Variants in DAO observed in about 807,000 individuals in gnomAD.
DAO encodes the protein D-amino acid oxidase.
A neutral mutation model predicts 50.1 loss-of-function variants in DAO; 51 were observed. That is an observed-to-expected ratio of 1.02 (90% CI 0.81 to 1.29). The LOEUF is 1.29. DAO is among the 50% of genes most tolerant of loss of function. DAO has a pLI of 0.00. For missense variants in DAO, 436 were observed against 439.4 expected (o/e 0.99, Z 0.07); for synonymous variants, 160 against 166.2 (o/e 0.96, Z 0.29).
At chr12:108,890,160 GCT>G in intron 4 of DAO, 46 bp from the exon 5 acceptor site, 1 of 1,493,788 alleles carries the variant, frequency 6.7e-7, no homozygotes, top group Non-Finnish European at 9.3e-7. Context: ...TTCAAATATA[GCT>G]CTGATTTTTA....
rs769902978 is a variant in DAO at position 108,900,664 on chromosome 12, A to G, written c.*129A>G. 5 of 1,383,810 alleles carry G rather than the reference A, an allele frequency of 3.6e-6. No individual in the cohort carries two copies. Among genetic ancestry groups the G allele is most frequent in the Admixed American group, 3.7e-5 (2 of 54,290 alleles). The allele number at this position is 1,383,810 out of a possible 1,614,324, so 85.7% of individuals were successfully genotyped here. On this transcript the variant is annotated 3_prime_UTR_variant, in exon 11 of 11. Coordinates refer to ENST00000228476, the MANE Select transcript of DAO (RefSeq NM_001917.5). Reference sequence around the variant, plus strand: ...CCTCAAAGAAGCATGAGGTGAGAGAAAGCCACAAAGTCAGTGCCTGGAGAA... The same window carrying G: ...CCTCAAAGAAGCATGAGGTGAGAGAGAGCCACAAAGTCAGTGCCTGGAGAA...
chr12:108,898,498 GACA>G (rs1438961895), intron 8 of DAO, 178 bp from the exon 9 acceptor site: 1 of 677,672 alleles, frequency 1.5e-6, no homozygotes, highest in Non-Finnish European at 2.7e-6. Flanking sequence ...TGATGGAGAT[GACA>G]ACATTGATGG....
chr12:108,893,758 G>A (rs976218086), intron 6 of DAO, among the ~76,000 whole-genome samples: 7 of 152,150 alleles, frequency 4.6e-5, no homozygotes, highest in Admixed American at 6.5e-5. Flanking sequence ...AGGGGCTCAC[G>A]ATGCGTGCTT....
At position 108,894,317 on chromosome 12, in the gene DAO, G is replaced by A. The variant is rs778140294; in HGVS notation, c.562G>A (p.Ala188Thr). The stretch of plus-strand genomic sequence containing the variant: ...CAACTGCACTGGGGTATGGGCTGGG[G>A]CGCTACAACGAGACCCCCTGCTGCA... ...IVNCTGVWAG[A>T]LQRDPLLQPG... Residue 188 changes from alanine (A) to threonine (T), a missense_variant, in exon 7 of 11, where the codon GCG becomes ACG. By Grantham distance (58) the Ala-to-Thr change is moderately conservative. Coordinates refer to ENST00000228476, the MANE Select transcript of DAO (RefSeq NM_001917.5). 1.2e-5 allele frequency: 19 copies of A among 1,613,926 alleles called. No homozygotes were observed. The highest frequency in any genetic ancestry group is 6.8e-6 in the Non-Finnish European group (8 of 1,180,002).
intron 1 of DAO, among the ~76,000 whole-genome samples, chr12:108,884,659 C>A (rs562758037): frequency 5.3e-5 from 8 of 152,074 alleles, no homozygotes; most frequent in African/African-American, 9.7e-5. Flanking sequence ...CACTAACCAC[C>A]GGCCTACCCA....
At position 108,900,655 on chromosome 12, in the gene DAO, G is replaced by A. The variant is rs2039613091; in HGVS notation, c.*120G>A. 1 of 1,464,090 alleles carries A rather than the reference G, an allele frequency of 6.8e-7. No homozygotes were observed. The allele number at this position is 1,464,090 out of a possible 1,614,324, so 90.7% of individuals were successfully genotyped here. A position where few individuals can be genotyped will look rare whatever the true frequency, so the allele number is the denominator to read the frequency against. On this transcript the variant is annotated 3_prime_UTR_variant, in exon 11 of 11. Transcript: ENST00000228476. ...CACTTCTTTCCTCAAAGAAGCATGA[G>A]GTGAGAGAAAGCCACAAAGTCAGTG...
chr12:108,886,124 G>A (rs1017191380), intron 2 of DAO, among the ~76,000 whole-genome samples: 3 of 151,974 alleles, frequency 2.0e-5, no homozygotes, highest in Admixed American at 1.3e-4. Context: ...CTGGGCTCAA[G>A]TGATCTGCCC....
Position 108,884,987 on chromosome 12 carries a change from C to T in DAO, c.-9-11C>T, listed in dbSNP as rs747209075. ...GTGATGATGTTGTGCCTCAACCCTT[C>T]CTTCCCACAGGCTGCTGCAATGCGT... On this transcript the variant is annotated splice_polypyrimidine_tract_variant and intron_variant, in intron 1 of 10. Transcript: ENST00000228476. 23 of 1,613,732 alleles carry T rather than the reference C, an allele frequency of 1.4e-5. No individual in the cohort carries two copies. In the South Asian group the frequency reaches 2.2e-4, roughly 15 times the overall value.
chr12:108,883,479 G>A (rs1040923359), intron 1 of DAO, among the ~76,000 whole-genome samples: 2 of 152,194 alleles, frequency 1.3e-5, no homozygotes, highest in Non-Finnish European at 2.9e-5. Context: ...CAATGTCTTT[G>A]TTCTATGTGA....
chr12:108,886,891 G>C (rs2039441216), intron 2 of DAO, among the ~76,000 whole-genome samples: 1 of 152,196 alleles, frequency 6.6e-6, no homozygotes, highest in Admixed American at 6.5e-5. Context: ...TCACCTCAAT[G>C]TCACCATTCA....
At chr12:108,890,389 T>C in intron 5 of DAO, 116 bp downstream of exon 5, 1 of 789,770 alleles carries the variant, frequency 1.3e-6, no homozygotes, top group Non-Finnish European at 2.2e-6. Context: ...AGAATACCCT[T>C]AGGCCTGGTG....
rs769894280 is a variant in DAO at position 108,880,120 on chromosome 12, G to C, written c.-114G>C. The C allele has an allele frequency of 1.6e-4, 71 of 456,702 alleles. No individual in the cohort carries two copies. Among genetic ancestry groups the C allele is most frequent in the Admixed American group, 2.6e-4 (11 of 42,580 alleles). The allele number at this position is 456,702 out of a possible 1,614,324, so 28.3% of individuals were successfully genotyped here. On this transcript the variant is annotated 5_prime_UTR_variant, in exon 1 of 11. Transcript: ENST00000228476. The stretch of plus-strand genomic sequence containing the variant: ...CTCCAGTCCGGGCTGGCGGACAGAG[G>C]GCTGGAAACAAGACGCTCCAGAATC...
At chr12:108,887,199 G>A (rs2039444603) in intron 2 of DAO, among the ~76,000 whole-genome samples, 1 of 152,154 alleles carries the variant, frequency 6.6e-6, no homozygotes, top group African/African-American at 2.4e-5. Flanking sequence ...TGCTGGAGGT[G>A]CACTCCATAT....
At chr12:108,887,589 A>T (rs755549546) in intron 3 of DAO, 25 bp downstream of exon 3, 1 of 1,536,672 alleles carries the variant, frequency 6.5e-7, no homozygotes, top group South Asian at 1.1e-5. Flanking sequence ...CTTGACCATG[A>T]GGGATGAGCA....
rs373913310 is a variant in DAO, at chr12:108,885,040, G to C, written c.34G>C (p.Gly12Arg). ...RVVVIGAGVI[G>R]LSTALCIHER... ...GGTGGTGATTGGAGCAGGAGTCATC[G>C]GGCTGTCCACCGCCCTCTGCATCCA... The change falls in exon 2 of 11, where the codon GGG becomes CGG. Residue 12 changes from glycine (G) to arginine (R), a missense_variant. Coordinates refer to ENST00000228476, the MANE Select transcript of DAO (RefSeq NM_001917.5). 2 of 1,613,942 alleles carry C rather than the reference G, an allele frequency of 1.2e-6. No homozygotes were observed. The highest frequency in any genetic ancestry group is 2.7e-5 in the African/African-American group (2 of 74,882).
At chr12:108,900,138 A>T in intron 10 of DAO, 1 of 439,950 alleles carries the variant, frequency 2.3e-6, no homozygotes, top group Non-Finnish European at 4.3e-6. Flanking sequence ...AAGTCAGACC[A>T]CTGGTGGAAG....
chr12:108,887,224 A>G lies in DAO; in HGVS notation c.195-226A>G, dbSNP rs566648722. Among the ~76,000 whole-genome samples, 8 of 152,338 alleles carry G rather than the reference A, an allele frequency of 5.3e-5. No homozygotes were observed. In the South Asian group the frequency reaches 1.2e-3, roughly 24 times the overall value. ...GCACTCCATATGGTTATGATGGGGC[A>G]TCCTTCATTCCCTCTCTTCTTTATT... On this transcript the variant is annotated intron_variant, in intron 2 of 10. Transcript: ENST00000228476.
At chr12:108,890,383 T>G in intron 5 of DAO, 110 bp downstream of exon 5, 1 of 821,266 alleles carries the variant, frequency 1.2e-6, no homozygotes, top group Non-Finnish European at 2.1e-6. Flanking sequence ...GTTTGAAGAA[T>G]ACCCTTAGGC....
intron 6 of DAO, 83 bp from the exon 7 acceptor site, chr12:108,894,180 G>C: frequency 9.5e-7 from 1 of 1,048,680 alleles, no homozygotes. Flanking sequence ...CAGATTGAGG[G>C]TAGAAGAAAG....
Sources: allele counts gnomAD v4.1 joint callset (sites outside exome capture counted in the v4.1 genomes callset), GRCh38; gene constraint gnomAD v4.1.1; transcripts MANE v1.5; gene names NCBI Gene and HGNC (gene_info 2026-07-23, HGNC 2026-07-21).